The following ROS1 variants were observed in gnomAD, a reference collection of about 807,000 sequenced individuals.
ROS1 encodes the protein proto-oncogene tyrosine-protein kinase ROS.
In ROS1, 263 loss-of-function variants were observed where a neutral mutation model predicts 273.5. That is an observed-to-expected ratio of 0.96 (90% CI 0.87 to 1.06). The LOEUF is 1.06. Ranked by LOEUF, ROS1 falls within the 50% of genes least tolerant of loss-of-function variation. The pLI is 0.00. For missense variants in ROS1, 2,833 were observed against 2,751.1 expected (o/e 1.03, Z -0.67); for synonymous variants, 1,008 against 954.1 (o/e 1.06, Z -1.04).
rs73566845 is a variant in ROS1, at chr6:117,363,079, G to T, written c.3104-214C>A. The stretch of plus-strand genomic sequence containing the variant: ...CCTGATAATTTCAGCACATCTGACT[G>T]ACAGGCAAGACTTCCTTATGTTCAA... On this transcript the variant is annotated intron_variant, in intron 21 of 43. Transcript: ENST00000368507. 7.1e-3 allele frequency among the ~76,000 whole-genome samples: 1,086 copies of T among 152,262 alleles called. 10 individuals carry two copies. The highest frequency in any genetic ancestry group is 0.024 in the African/African-American group (1,010 of 41,554).
Position 117,356,626 on chromosome 6 carries a change from T to C in ROS1, c.4126+3A>G, listed in dbSNP as rs181940078. The C allele has an allele frequency of 1.4e-3, 2,261 of 1,607,586 alleles. 6 individuals are homozygous for C. The highest frequency in any genetic ancestry group is 1.5e-3 in the Non-Finnish European group (1,781 of 1,175,304). On this transcript the variant is annotated splice_donor_region_variant and intron_variant, in intron 26 of 43. Transcript: ENST00000368507. ...TATCTGTGCACATACATCAGCATCT[T>C]ACCGAGCATAGCAGGTACTGTGATA...
chr6:117,382,130 T>C (rs544947503), intron 17 of ROS1, among the ~76,000 whole-genome samples: 1 of 152,296 alleles, frequency 6.6e-6, no homozygotes, highest in Non-Finnish European at 1.5e-5. Flanking sequence ...CTAACAATTA[T>C]ATTTTTTGAA....
intron 18 of ROS1, among the ~76,000 whole-genome samples, chr6:117,368,316 G>A (rs1403753260): frequency 1.3e-5 from 2 of 151,924 alleles, no homozygotes; most frequent in Non-Finnish European, 2.9e-5. Flanking sequence ...TCATTTTAAA[G>A]CATTCACTTT....
intron 27 of ROS1, among the ~76,000 whole-genome samples, chr6:117,350,973 T>C (rs575508999): frequency 2.0e-5 from 3 of 152,366 alleles, no homozygotes; most frequent in Admixed American, 6.5e-5. Context: ...CTAACATCCC[T>C]GCCATATTTA....
chr6:117,298,285 C>A (rs1415479882), intron 43 of ROS1, among the ~76,000 whole-genome samples: 1 of 152,026 alleles, frequency 6.6e-6, no homozygotes. Context: ...GTGATAGATA[C>A]CCTAAAAGCC....
chr6:117,317,001 A>T, intron 39 of ROS1, 142 bp downstream of exon 39: 4 of 875,716 alleles, frequency 4.6e-6, no homozygotes, highest in Non-Finnish European at 6.6e-6. Context: ...GTCAAAAGCT[A>T]ATGTGAAGGA....
intron 1 of ROS1, among the ~76,000 whole-genome samples, chr6:117,424,023 C>G (rs936127342): frequency 1.3e-5 from 2 of 151,998 alleles, no homozygotes; most frequent in Non-Finnish European, 2.9e-5. Context: ...AAGGAACAAA[C>G]TGTCTATTCC....
chr6:117,372,606 C>A (rs994855160), intron 18 of ROS1, among the ~76,000 whole-genome samples: 2 of 152,152 alleles, frequency 1.3e-5, no homozygotes, highest in African/African-American at 4.8e-5. Flanking sequence ...GTCTCTCTGG[C>A]TTCAGGAGTG....
chr6:117,309,889 G>A (rs1243648925), intron 41 of ROS1, among the ~76,000 whole-genome samples, 192 bp downstream of exon 41: 2 of 151,954 alleles, frequency 1.3e-5, no homozygotes, highest in Admixed American at 1.3e-4. Context: ...ATTCAGGGAG[G>A]AGCATAAACT....
intron 23 of ROS1, 65 bp downstream of exon 23, chr6:117,360,273 GACAC>G (rs36181502): frequency 3.3e-5 from 25 of 763,662 alleles, no homozygotes; most frequent in Non-Finnish European, 3.9e-5. Flanking sequence ...ACACCAATGG[GACAC>G]ACACACACAC....
At chr6:117,358,724 T>C (rs1779534667) in intron 24 of ROS1, among the ~76,000 whole-genome samples, 1 of 152,158 alleles carries the variant, frequency 6.6e-6, no homozygotes, top group Admixed American at 6.5e-5. Flanking sequence ...CCTCCTACAG[T>C]GTTGGGATTA....
intron 31 of ROS1, among the ~76,000 whole-genome samples, chr6:117,338,527 T>C (rs1777649204): frequency 6.9e-6 from 1 of 145,960 alleles, no homozygotes; most frequent in Non-Finnish European, 1.5e-5. Flanking sequence ...GAGAGAGAAA[T>C]TAACTCCTGG....
chr6:117,299,465 C>T (rs1774510693), intron 43 of ROS1: 1 of 152,186 alleles, frequency 6.6e-6, no homozygotes, highest in Non-Finnish European at 1.5e-5. Flanking sequence ...TCCACTGTTC[C>T]ACGTGTAGCC....
intron 5 of ROS1, among the ~76,000 whole-genome samples, chr6:117,408,044 C>A (rs1180416401): frequency 6.6e-6 from 1 of 151,926 alleles, no homozygotes; most frequent in Non-Finnish European, 1.5e-5. Context: ...CTTCCTTACA[C>A]CTTATACAAA....
At position 117,337,358 on chromosome 6, in the gene ROS1, G is replaced by T; in HGVS notation, c.5062-18C>A. 6.4e-7 allele frequency: 1 copy of T among 1,572,006 alleles called. No individual in the cohort carries two copies. Among genetic ancestry groups the T allele is most frequent in the Non-Finnish European group, 8.6e-7 (1 of 1,161,636 alleles). ...TATTTCCACTAGAAAAAGAAGTCTC[G>T]ATTAATATTTTTGTTTCTCTAAGAA... On this transcript the variant is annotated intron_variant, in intron 31 of 43. Coordinates refer to ENST00000368507, the MANE Select transcript of ROS1 (RefSeq NM_001378902.1).
At chr6:117,321,910 A>T (rs1223055201) in intron 35 of ROS1, among the ~76,000 whole-genome samples, 3 of 151,634 alleles carry the variant, frequency 2.0e-5, no homozygotes, top group Non-Finnish European at 4.4e-5. Context: ...ATGTAGAAAA[A>T]GTATTGGAAC....
In ROS1 at chr6:117,311,011, G is replaced by T; in HGVS notation, c.6215+9C>A. 1.9e-6 allele frequency: 3 copies of T among 1,566,004 alleles called. No individual in the cohort carries two copies. The highest frequency in any genetic ancestry group is 1.1e-5 in the South Asian group (1 of 89,174). On this transcript the variant is annotated intron_variant, in intron 40 of 43. Transcript: ENST00000368507. ...CCGTAATAACCCTGTATCCAGAAGA[G>T]AATTGTACCTGTGAATGAAATGCAT... is the stretch of plus-strand genomic sequence containing the variant.
chr6:117,343,477 T>C (rs1291923795), intron 28 of ROS1, among the ~76,000 whole-genome samples: 1 of 152,206 alleles, frequency 6.6e-6, no homozygotes, highest in Non-Finnish European at 1.5e-5. Context: ...ATTTCAATGA[T>C]TGAATGAATA....
chr6:117,337,680 A>C lies in ROS1; in HGVS notation c.5062-340T>G, dbSNP rs566660623. 8.5e-5 allele frequency among the ~76,000 whole-genome samples: 13 copies of C among 152,256 alleles called. 1 individual carries two copies. Among genetic ancestry groups the C allele is most frequent in the Non-Finnish European group, 1.5e-5 (1 of 67,996 alleles). On this transcript the variant is annotated intron_variant, in intron 31 of 43. Coordinates refer to ENST00000368507, the MANE Select transcript of ROS1 (RefSeq NM_001378902.1). ...TTAATCAGGATGGCTAAGAATGCAA[A>C]TCCATAGCTGTGGGACAATGATGGA...
Sources: gnomAD v4.1 joint callset for allele counts (sites outside exome capture counted in the v4.1 genomes callset) on GRCh38, gnomAD v4.1.1 for gene constraint, MANE v1.5 for transcripts, NCBI Gene and HGNC (gene_info 2026-07-23, HGNC 2026-07-21) for gene names.